Variants in MFHAS1 observed in about 807,000 individuals in gnomAD.
MFHAS1 encodes multifunctional ROCO family signaling regulator 1, also known as malignant fibrous histiocytoma-amplified sequence 1.
In MFHAS1, 50 loss-of-function variants were observed where a neutral mutation model predicts 70.4. The observed-to-expected ratio is 0.71, with a 90% CI of 0.57 to 0.90. The LOEUF (loss-of-function observed/expected upper bound fraction) is 0.90, where lower values mean the gene tolerates loss of function less well. Ranked by LOEUF, MFHAS1 falls within the 40% of genes least tolerant of loss-of-function variation. The pLI is 0.00. For synonymous variants in MFHAS1, 952 were observed against 620.0 expected (o/e 1.54, Z -7.96); for missense variants, 1,795 against 1,347.6 (o/e 1.33, Z -5.20).
At position 8,892,326 on chromosome 8, in the gene MFHAS1, C is replaced by T. The variant is rs754705566; in HGVS notation, c.733G>A (p.Gly245Ser). ...SGAELGTLPA[G>S]FCELASLESL... The stretch of plus-strand genomic sequence containing the variant: ...TCCAAACTGGCCAGCTCGCAGAAGC[C>T]GGCGGGCAGCGTGCCAAGCTCGGCC... The change falls in exon 1 of 3, where the codon GGC becomes AGC. Residue 245 changes from glycine (G) to serine (S), a missense_variant. By Grantham distance (56) the Gly-to-Ser change is moderately conservative (BLOSUM62 0). Coordinates refer to ENST00000276282, the MANE Select transcript of MFHAS1 (RefSeq NM_004225.3). This position sits in a 1 kb window ranked among gnomAD's most constrained non-coding sequence, Gnocchi z 4.7. 6 of 1,612,194 alleles carry T rather than the reference C, an allele frequency of 3.7e-6. No homozygotes were observed. In the South Asian group the frequency reaches 4.4e-5, roughly 12 times the overall value.
chr8:8,834,242 T>C (rs2116840926), intron 1 of MFHAS1, among the ~76,000 whole-genome samples: 1 of 152,278 alleles, frequency 6.6e-6, no homozygotes, highest in Admixed American at 6.5e-5. Flanking sequence ...TATAATGGAG[T>C]GGAAAAATTC....
intron 1 of MFHAS1, among the ~76,000 whole-genome samples, chr8:8,880,794 C>G (rs62493191): frequency 3.9e-5 from 6 of 151,948 alleles, no homozygotes; most frequent in African/African-American, 1.5e-4. Flanking sequence ...AAGTGATTCT[C>G]CTGCCTCAGC....
intron 1 of MFHAS1, among the ~76,000 whole-genome samples, chr8:8,822,862 G>C (rs748556983): frequency 6.6e-6 from 1 of 152,106 alleles, no homozygotes; most frequent in Non-Finnish European, 1.5e-5. Flanking sequence ...CAGGGGGACT[G>C]AGACGGGCAC....
intron 1 of MFHAS1, among the ~76,000 whole-genome samples, chr8:8,823,333 T>C (rs1003534338): frequency 1.3e-5 from 2 of 152,202 alleles, no homozygotes; most frequent in Non-Finnish European, 2.9e-5. Flanking sequence ...AAATGTACTG[T>C]GAAGGCCCGG....
At chr8:8,820,304 A>G (rs574805664) in intron 1 of MFHAS1, among the ~76,000 whole-genome samples, 3 of 151,498 alleles carry the variant, frequency 2.0e-5, no homozygotes, top group African/African-American at 7.3e-5. Flanking sequence ...AGTCCCCAGG[A>G]TTAGACTGCT....
At chr8:8,867,563 C>CTT (rs895280359) in intron 1 of MFHAS1, among the ~76,000 whole-genome samples, 6 of 144,358 alleles carry the variant, frequency 4.2e-5, no homozygotes, top group African/African-American at 1.0e-4. Context: ...AATTGCTATA[C>CTT]TTTTTTTTTT....
chr8:8,810,918 T>A (rs1229419966), intron 1 of MFHAS1, among the ~76,000 whole-genome samples: 1 of 152,152 alleles, frequency 6.6e-6, no homozygotes, highest in African/African-American at 2.4e-5. Flanking sequence ...GGAGGTCTGG[T>A]AGAGCTGAGG....
intron 1 of MFHAS1, among the ~76,000 whole-genome samples, chr8:8,886,886 G>A (rs992033161): frequency 1.3e-4 from 20 of 152,188 alleles, no homozygotes; most frequent in Non-Finnish European, 2.1e-4. Flanking sequence ...AGCACTTTGC[G>A]AGACTGAGGT....
chr8:8,884,279 G>A (rs1809664589), intron 1 of MFHAS1, among the ~76,000 whole-genome samples: 1 of 151,954 alleles, frequency 6.6e-6, no homozygotes. Context: ...CCTGATTAAG[G>A]TTTTGATTTT....
intron 1 of MFHAS1, among the ~76,000 whole-genome samples, chr8:8,798,766 G>C (rs539751363): frequency 1.3e-5 from 2 of 152,076 alleles, no homozygotes; most frequent in South Asian, 4.1e-4. Context: ...TAGAGACTCC[G>C]GGCTGGGCGC....
At chr8:8,815,981 G>C (rs145208634) in intron 1 of MFHAS1, among the ~76,000 whole-genome samples, 2 of 152,298 alleles carry the variant, frequency 1.3e-5, no homozygotes, top group African/African-American at 4.8e-5. Flanking sequence ...GAAGGAAAAG[G>C]AATGAGCCAT....
At chr8:8,865,128 T>C (rs1808807839) in intron 1 of MFHAS1, among the ~76,000 whole-genome samples, 1 of 151,582 alleles carries the variant, frequency 6.6e-6, no homozygotes, top group Admixed American at 6.6e-5. Flanking sequence ...ATACAAAAAG[T>C]TAGCTGGGCA....
At chr8:8,882,551 G>C (rs994903177) in intron 1 of MFHAS1, among the ~76,000 whole-genome samples, 5 of 152,154 alleles carry the variant, frequency 3.3e-5, no homozygotes, top group African/African-American at 1.2e-4. Context: ...AGCAGACGTT[G>C]CAGTGAGCTG....
intron 2 of MFHAS1, among the ~76,000 whole-genome samples, chr8:8,789,646 A>G (rs1805662301): frequency 6.6e-6 from 1 of 152,090 alleles, no homozygotes; most frequent in African/African-American, 2.4e-5. Context: ...GTGCTTTCCT[A>G]CTCCGGACCT....
At chr8:8,846,089 C>G (rs561511837) in intron 1 of MFHAS1, among the ~76,000 whole-genome samples, 2 of 151,720 alleles carry the variant, frequency 1.3e-5, no homozygotes, top group African/African-American at 2.4e-5. Context: ...CCTGTCTCTA[C>G]TAAAAACACA....
chr8:8,892,978 G>A lies in MFHAS1; in HGVS notation c.81C>T (p.Ser27=). 6.5e-7 allele frequency: 1 copy of A among 1,540,360 alleles called. No individual in the cohort carries two copies. The highest frequency in any genetic ancestry group is 8.7e-7 in the Non-Finnish European group (1 of 1,145,348). ...CGGTAAGCGTGAGCTGGCGCAGGTTGCTCCGCAGCTTCCTGGCACGCAGGG... is the reference window on the plus strand; with the variant it reads ...CGGTAAGCGTGAGCTGGCGCAGGTTACTCCGCAGCTTCCTGGCACGCAGGG... ...DAALRARKLR[S]NLRQLTLTAA... The change falls in exon 1 of 3, where the codon AGC becomes AGT. Residue 27 remains serine (S), a synonymous_variant. Transcript: ENST00000276282. This position sits in a 1 kb window ranked among gnomAD's most constrained non-coding sequence, Gnocchi z 4.7.
intron 1 of MFHAS1, among the ~76,000 whole-genome samples, chr8:8,801,142 G>T (rs529088556): frequency 1.3e-5 from 2 of 152,024 alleles, no homozygotes; most frequent in Admixed American, 1.3e-4. Flanking sequence ...TTGAACCTGG[G>T]AAGTGGAGGT....
At position 8,783,450 on chromosome 8, in the gene MFHAS1, A is replaced by T. The variant is rs764998923; in HGVS notation, c.*2572T>A. 8.5e-5 allele frequency: 13 copies of T among 152,252 alleles called. No individual in the cohort carries two copies. The highest frequency in any genetic ancestry group is 6.5e-4 in the Admixed American group (10 of 15,284). 9.4% of individuals were successfully genotyped at this position (152,252 alleles called of 1,614,324 possible). On this transcript the variant is annotated 3_prime_UTR_variant, in exon 3 of 3. Transcript: ENST00000276282. Reference sequence around the variant, plus strand: ...AAACCACAATTAAAATTCACAAACCATGGCATGAAAAACAACACGCACCCC... The same window carrying T: ...AAACCACAATTAAAATTCACAAACCTTGGCATGAAAAACAACACGCACCCC...
rs1026024292 is a variant in MFHAS1 at position 8,828,242 on chromosome 8, A to G, written c.2999-30751T>C. Among the ~76,000 whole-genome samples, 5 of 152,252 alleles carry G rather than the reference A, an allele frequency of 3.3e-5. 1 individual carries two copies. Among genetic ancestry groups the G allele is most frequent in the African/African-American group, 1.2e-4 (5 of 41,468 alleles). ...AACAGGATGAAACCAGAGATTAAAAAACATCTCAAAAGCATGGAGCAACAG... is the reference window on the plus strand; with the variant it reads ...AACAGGATGAAACCAGAGATTAAAAGACATCTCAAAAGCATGGAGCAACAG... On this transcript the variant is annotated intron_variant, in intron 1 of 2. Coordinates refer to ENST00000276282, the MANE Select transcript of MFHAS1 (RefSeq NM_004225.3).
Sources: allele counts gnomAD v4.1 joint callset (sites outside exome capture counted in the v4.1 genomes callset), GRCh38; gene constraint gnomAD v4.1.1; non-coding constraint Gnocchi (gnomAD v3.1); transcripts MANE v1.5; gene names NCBI Gene and HGNC (gene_info 2026-07-23, HGNC 2026-07-21).